Variants in TNKS observed in about 807,000 individuals in gnomAD.
TNKS encodes the protein poly [ADP-ribose] polymerase tankyrase-1.
A neutral mutation model predicts 135.8 loss-of-function variants in TNKS; 72 were observed. The ratio of observed to expected loss-of-function variants is 0.53; its 90% CI spans 0.44 to 0.64. The LOEUF (loss-of-function observed/expected upper bound fraction) is 0.64, where lower values mean the gene tolerates loss of function less well. Ranked by LOEUF, TNKS falls within the 30% of genes least tolerant of loss-of-function variation. The pLI is 0.00. For synonymous variants in TNKS, 849 were observed against 649.3 expected (o/e 1.31, Z -4.68); for missense variants, 1,769 against 1,674.0 (o/e 1.06, Z -0.99).
At chr8:9,715,232 CAGTT>C (rs746326586) in intron 11 of TNKS, among the ~76,000 whole-genome samples, 28 of 152,158 alleles carry the variant, frequency 1.8e-4, no homozygotes, top group South Asian at 1.0e-3. Context: ...AGATATATCT[CAGTT>C]AGGGTCTTCG....
intron 2 of TNKS, among the ~76,000 whole-genome samples, chr8:9,608,407 G>T (rs1272356622): frequency 6.6e-6 from 1 of 152,138 alleles, no homozygotes; most frequent in Non-Finnish European, 1.5e-5. Flanking sequence ...TTGATGCTAA[G>T]GTGCGTCAGG....
intron 16 of TNKS, 120 bp from the exon 17 acceptor site, chr8:9,735,257 G>C: frequency 2.7e-6 from 3 of 1,101,328 alleles, no homozygotes; most frequent in South Asian, 3.1e-5. Context: ...TGTGATAACA[G>C]TATTAGCTTT....
intron 5 of TNKS, among the ~76,000 whole-genome samples, chr8:9,694,753 C>G (rs1803436615): frequency 1.0e-5 from 1 of 95,322 alleles, no homozygotes; most frequent in Non-Finnish European, 2.2e-5. Context: ...CAGAGCGAGA[C>G]TCTGTCTCAA....
chr8:9,726,691 T>G lies in TNKS; in HGVS notation c.1972T>G (p.Ser658Ala). 6.2e-7 allele frequency: 1 copy of G among 1,613,570 alleles called. No homozygotes were observed. The highest frequency in any genetic ancestry group is 8.5e-7 in the Non-Finnish European group (1 of 1,179,824). The change falls in exon 13 of 27, where the codon TCT becomes GCT. Residue 658 changes from serine to alanine, a missense_variant. Coordinates refer to ENST00000310430, the MANE Select transcript of TNKS (RefSeq NM_003747.3). ...SDVDYRLLEA[S>A]KAGDLETVKQ... ...TGTTGATTATCGACTCTTAGAGGCA[T>G]CTAAAGCTGGAGACTTGGAAACTGT...
chr8:9,757,243 G>A (rs1198402390), intron 20 of TNKS, among the ~76,000 whole-genome samples: 1 of 152,160 alleles, frequency 6.6e-6, no homozygotes, highest in Non-Finnish European at 1.5e-5. Flanking sequence ...CCAAAGTGCT[G>A]AGATTACAGG....
intron 17 of TNKS, among the ~76,000 whole-genome samples, chr8:9,744,184 T>G (rs1198264234): frequency 6.6e-6 from 1 of 152,176 alleles, no homozygotes; most frequent in Non-Finnish European, 1.5e-5. Context: ...TGCCTTACTG[T>G]GTCGGTGTTC....
intron 2 of TNKS, among the ~76,000 whole-genome samples, chr8:9,580,613 C>G (rs1372176904): frequency 2.6e-5 from 4 of 152,176 alleles, no homozygotes; most frequent in African/African-American, 7.2e-5. Flanking sequence ...ATGTGGAACT[C>G]AATTTTAATG....
At chr8:9,765,317 T>A (rs1045726199) in intron 23 of TNKS, among the ~76,000 whole-genome samples, 5 of 152,188 alleles carry the variant, frequency 3.3e-5, no homozygotes, top group African/African-American at 1.2e-4. Context: ...GTAAAAGTTA[T>A]ACTGGTACAC....
At chr8:9,688,841 A>G (rs754655900) in intron 5 of TNKS, among the ~76,000 whole-genome samples, 3 of 152,064 alleles carry the variant, frequency 2.0e-5, no homozygotes, top group Non-Finnish European at 4.4e-5. Flanking sequence ...GCGTTTCACT[A>G]TGTTGGTCAA....
chr8:9,685,506 A>G (rs967469968), intron 5 of TNKS, among the ~76,000 whole-genome samples: 6 of 152,178 alleles, frequency 3.9e-5, no homozygotes, highest in African/African-American at 1.4e-4. Flanking sequence ...TGTATCTAGA[A>G]TGGACACTTA....
rs115622994 is a variant in TNKS, at chr8:9,577,154, C to T, written c.674-3005C>T. 1.1e-3 allele frequency among the ~76,000 whole-genome samples: 159 copies of T among 150,878 alleles called. 1 individual carries two copies. The highest frequency in any genetic ancestry group is 3.7e-3 in the African/African-American group (150 of 41,026). On this transcript the variant is annotated intron_variant, in intron 1 of 26. Transcript: ENST00000310430. ...TCTTTGTAAAGCTTTTAAATGTGCACGGAATGGTCACGAGGATTTTGGTTG... is the reference window on the plus strand; with the variant it reads ...TCTTTGTAAAGCTTTTAAATGTGCATGGAATGGTCACGAGGATTTTGGTTG...
At chr8:9,645,261 A>G (rs925255701) in intron 3 of TNKS, among the ~76,000 whole-genome samples, 19 of 152,098 alleles carry the variant, frequency 1.2e-4, no homozygotes, top group Non-Finnish European at 4.4e-5. Flanking sequence ...GATCAGGGAG[A>G]AGACATGGTC....
intron 14 of TNKS, among the ~76,000 whole-genome samples, chr8:9,731,266 C>T (rs889990185): frequency 6.6e-6 from 1 of 151,960 alleles, no homozygotes; most frequent in South Asian, 2.1e-4. Context: ...TTGAGACCAG[C>T]CTGACCAACA....
chr8:9,762,827 C>A (rs1333773245), intron 21 of TNKS, among the ~76,000 whole-genome samples: 2 of 151,538 alleles, frequency 1.3e-5, no homozygotes, highest in Non-Finnish European at 2.9e-5. Flanking sequence ...ATGGTGTGAA[C>A]CCGGGAGGCG....
intron 3 of TNKS, among the ~76,000 whole-genome samples, chr8:9,637,388 T>C (rs1393862535): frequency 6.6e-6 from 1 of 152,198 alleles, no homozygotes; most frequent in Non-Finnish European, 1.5e-5. Flanking sequence ...TTTATAATTC[T>C]AGTTATATAT....
rs201414535 is a variant in TNKS at position 9,584,215 on chromosome 8, A to G, written c.898+3832A>G. Among the ~76,000 whole-genome samples, 17 of 147,866 alleles carry G rather than the reference A, an allele frequency of 1.1e-4. No homozygotes were observed. The East Asian group carries it at 3.4e-3, about 30-fold the overall frequency. On this transcript the variant is annotated intron_variant, in intron 2 of 26. Transcript: ENST00000310430. ...CTGGGAGTCACAATGGATATTTGTG[A>G]TTTTTTTCATTTTGACTAATTAGTA...
At chr8:9,763,491 C>T (rs1236964469) in intron 22 of TNKS, among the ~76,000 whole-genome samples, 1 of 152,108 alleles carries the variant, frequency 6.6e-6, no homozygotes, top group Non-Finnish European at 1.5e-5. Flanking sequence ...TTTCTTGAAT[C>T]TCATGCAAAA....
intron 3 of TNKS, chr8:9,670,284 G>A (rs945977002): frequency 3.3e-5 from 5 of 152,178 alleles, no homozygotes; most frequent in African/African-American, 1.2e-4. Context: ...TTTCAAGTCT[G>A]TCTAAATATA....
chr8:9,752,271 T>C (rs1010024836), intron 19 of TNKS, among the ~76,000 whole-genome samples: 10 of 152,044 alleles, frequency 6.6e-5, no homozygotes, highest in Admixed American at 5.2e-4. Flanking sequence ...ATTCTCTATA[T>C]TTTTATAAAT....
Sources: allele counts gnomAD v4.1 joint callset (sites outside exome capture counted in the v4.1 genomes callset), GRCh38; gene constraint gnomAD v4.1.1; transcripts MANE v1.5; gene names NCBI Gene and HGNC (gene_info 2026-07-23, HGNC 2026-07-21).